CBFB: variants seen among roughly 807,000 people sequenced by gnomAD.
The protein encoded by CBFB is CBF-beta.
In CBFB, 9 loss-of-function variants were observed where a neutral mutation model predicts 30.4. The observed-to-expected ratio is 0.30, with a 90% confidence interval of 0.18 to 0.52. The LOEUF (loss-of-function observed/expected upper bound fraction) is 0.52, where lower values mean the gene tolerates loss of function less well. Ranked by LOEUF, CBFB falls within the 20% of genes least tolerant of loss-of-function variation. CBFB has a pLI of 0.97. For missense variants in CBFB, 170 were observed against 244.0 expected (o/e 0.70, Z 2.02); for synonymous variants, 94 against 84.0 (o/e 1.12, Z -0.65).
Position 67,098,760 on chromosome 16 carries a change from T to A in CBFB, c.546T>A (p.Asp182Glu). 2 of 1,605,280 alleles carry A rather than the reference T, an allele frequency of 1.2e-6. No homozygotes were observed. The highest frequency in any genetic ancestry group is 1.7e-6 in the Non-Finnish European group (2 of 1,171,986). Reference protein sequence around the residue: ...PSPGSNLGGGDDLKLR With the variant: ...PSPGSNLGGGEDLKLR ...CTGGTTCCAATTTAGGTGGTGGTGA[T>A]GACCTCAAACTTCGTTAATTAATAG... The change falls in exon 6 of 6, where the codon GAT (aspartate) becomes GAA (glutamate). Residue 182 changes from aspartate to glutamate, a missense_variant. Transcript: ENST00000412916.
chr16:67,042,909 T>A (rs1242902292), intron 3 of CBFB, among the ~76,000 whole-genome samples: 2 of 152,108 alleles, frequency 1.3e-5, no homozygotes, highest in Non-Finnish European at 2.9e-5. Flanking sequence ...CTAATTTTTG[T>A]ACTTTTAGTA....
At chr16:67,055,648 A>G (rs570719172) in intron 3 of CBFB, among the ~76,000 whole-genome samples, 1 of 148,006 alleles carries the variant, frequency 6.8e-6, no homozygotes, top group African/African-American at 2.5e-5. Flanking sequence ...GAGCCACCAC[A>G]CCCGGCCTCC....
At chr16:67,079,194 T>TA (rs1491319206) in intron 4 of CBFB, among the ~76,000 whole-genome samples, 1 of 152,232 alleles carries the variant, frequency 6.6e-6, no homozygotes, top group African/African-American at 2.4e-5. Context: ...AAGCACTTTT[T>TA]ATGTGTTATT....
intron 3 of CBFB, among the ~76,000 whole-genome samples, chr16:67,062,684 C>A (rs1039367568): frequency 6.6e-6 from 1 of 151,488 alleles, no homozygotes; most frequent in African/African-American, 2.4e-5. Context: ...CCCAGCCACT[C>A]GGGAGGCTGA....
At chr16:67,053,960 A>T (rs1960640082) in intron 3 of CBFB, among the ~76,000 whole-genome samples, 1 of 150,556 alleles carries the variant, frequency 6.6e-6, no homozygotes. Flanking sequence ...GAGTGTCCTT[A>T]GCTGGTCCCA....
At chr16:67,080,797 C>T (rs1430171215) in intron 4 of CBFB, among the ~76,000 whole-genome samples, 1 of 152,112 alleles carries the variant, frequency 6.6e-6, no homozygotes. Flanking sequence ...GAAGTATTTA[C>T]CACATTTGTT....
At chr16:67,092,606 T>C (rs1961918808) in intron 5 of CBFB, among the ~76,000 whole-genome samples, 1 of 151,974 alleles carries the variant, frequency 6.6e-6, no homozygotes, top group Non-Finnish European at 1.5e-5. Flanking sequence ...CAGAATTTTA[T>C]TTTTCTCCCT....
chr16:67,047,049 T>C (rs923598995), intron 3 of CBFB, among the ~76,000 whole-genome samples: 1 of 151,924 alleles, frequency 6.6e-6, no homozygotes, highest in Non-Finnish European at 1.5e-5. Context: ...CAGTAGCTCA[T>C]ACCTGTAATC....
At chr16:67,037,628 T>C (rs892726274) in intron 3 of CBFB, among the ~76,000 whole-genome samples, 4 of 151,970 alleles carry the variant, frequency 2.6e-5, no homozygotes, top group African/African-American at 4.8e-5. Context: ...CTGAGAGCCT[T>C]ATTTCAGGTC....
At position 67,029,213 on chromosome 16, in the gene CBFB, G is replaced by C; in HGVS notation, c.-195G>C. The C allele has an allele frequency of 3.8e-6, 1 of 260,180 alleles. No individual in the cohort carries two copies. The highest frequency in any genetic ancestry group is 1.2e-3 in the Middle Eastern group (1 of 814). The allele number at this position is 260,180 out of a possible 1,614,324, so 16.1% of individuals were successfully genotyped here. A position where few individuals can be genotyped will look rare whatever the true frequency, so the allele number is the denominator to read the frequency against. On this transcript the variant is annotated 5_prime_UTR_variant, in exon 1 of 6. Transcript: ENST00000412916. ...AGGCGGCGGCGGCGGCGGCGGCGGC[G>C]TGGGTTGGGCTCGAGCGGGCGGCGG...
intron 3 of CBFB, among the ~76,000 whole-genome samples, chr16:67,061,750 G>T (rs1829125939): frequency 6.6e-6 from 1 of 152,064 alleles, no homozygotes; most frequent in Non-Finnish European, 1.5e-5. Flanking sequence ...ATCATTTTCT[G>T]GCTGGGTGCG....
chr16:67,065,230 G>T (rs1708162916), intron 3 of CBFB, among the ~76,000 whole-genome samples: 2 of 152,140 alleles, frequency 1.3e-5, no homozygotes, highest in Admixed American at 6.6e-5. Flanking sequence ...GAAGCTGAAG[G>T]TTCACCAGAT....
intron 3 of CBFB, among the ~76,000 whole-genome samples, chr16:67,043,378 TTC>T (rs1010424500): frequency 2.0e-5 from 3 of 152,248 alleles, no homozygotes; most frequent in Non-Finnish European, 2.9e-5. Context: ...CTTTTATTCA[TTC>T]TGTTGCTTAT....
Position 67,050,983 on chromosome 16 carries a change from A to G in CBFB, c.282+14228A>G, listed in dbSNP as rs139784705. ...AGAGATGATTCACCTCTCTGGAGAG[A>G]AGGAGTGCAATTTAAAACTTATGAA... On this transcript the variant is annotated intron_variant, in intron 3 of 5. Coordinates refer to ENST00000412916, the MANE Select transcript of CBFB (RefSeq NM_022845.3). Among the ~76,000 whole-genome samples, 4 of 152,286 alleles carry G rather than the reference A, an allele frequency of 2.6e-5. No homozygotes were observed. In the East Asian group the frequency reaches 5.8e-4, roughly 22 times the overall value.
intron 2 of CBFB, among the ~76,000 whole-genome samples, chr16:67,031,002 A>G (rs1966333529): frequency 6.6e-6 from 1 of 152,116 alleles, no homozygotes; most frequent in Non-Finnish European, 1.5e-5. Flanking sequence ...GTGCGATTTG[A>G]ATTTGGGTTA....
At chr16:67,097,404 G>T (rs1962081756) in intron 5 of CBFB, among the ~76,000 whole-genome samples, 1 of 152,004 alleles carries the variant, frequency 6.6e-6, no homozygotes, top group African/African-American at 2.4e-5. Flanking sequence ...AATTAGCCGG[G>T]CGTGGTGGCA....
intron 2 of CBFB, among the ~76,000 whole-genome samples, chr16:67,035,351 T>C (rs147553057): frequency 6.6e-6 from 1 of 152,324 alleles, no homozygotes; most frequent in African/African-American, 2.4e-5. Flanking sequence ...CCCAAAGGGC[T>C]GGGATTACGA....
chr16:67,071,233 A>G (rs192484681), intron 4 of CBFB, among the ~76,000 whole-genome samples: 1 of 152,260 alleles, frequency 6.6e-6, no homozygotes, highest in Admixed American at 6.5e-5. Flanking sequence ...TGGCCCCACT[A>G]CTTACCAGCT....
intron 3 of CBFB, among the ~76,000 whole-genome samples, chr16:67,046,136 T>G (rs999296814): frequency 1.3e-5 from 2 of 151,652 alleles, no homozygotes; most frequent in Non-Finnish European, 2.9e-5. Context: ...AAACTAGATA[T>G]CTCTCTGTCA....
Sources: gnomAD v4.1 joint callset for allele counts (sites outside exome capture counted in the v4.1 genomes callset) on GRCh38, gnomAD v4.1.1 for gene constraint, MANE v1.5 for transcripts, NCBI Gene and HGNC (gene_info 2026-07-23, HGNC 2026-07-21) for gene names.